KCTD1: variants seen among roughly 807,000 people sequenced by gnomAD.
KCTD1 encodes the protein BTB/POZ domain-containing protein KCTD1.
A neutral mutation model predicts 66.0 loss-of-function variants in KCTD1; 24 were observed. That is an observed-to-expected ratio of 0.36 (90% CI 0.26 to 0.51). The LOEUF is 0.51. Ranked by LOEUF, KCTD1 falls within the 20% of genes least tolerant of loss-of-function variation. The probability of loss-of-function intolerance (pLI) is 0.95; values close to 1 mark genes in which losing one functional copy is unlikely to be tolerated. For synonymous variants in KCTD1, 511 were observed against 517.2 expected, an observed-to-expected ratio of 0.99 and a Z score of 0.16; for missense variants, 943 against 1,205.2, an observed-to-expected ratio of 0.78 and a Z score of 3.22.
Position 26,476,627 on chromosome 18 carries a change from A to G in KCTD1, c.2021T>C (p.Ile674Thr). 6.2e-7 allele frequency: 1 copy of G among 1,613,678 alleles called. No homozygotes were observed. Among genetic ancestry groups the G allele is most frequent in the Non-Finnish European group, 8.5e-7 (1 of 1,179,792 alleles). Residue 674 changes from isoleucine (I) to threonine (T), a missense_variant, in exon 3 of 5, where the codon ATT becomes ACT. Physicochemically the swap from Ile to Thr is moderately conservative, Grantham distance 89. Transcript: ENST00000580059. The surrounding 1 kb of genome is among the most constrained non-coding windows in gnomAD (Gnocchi z 4.9). ...GTGCTGTTTGAGACTGTCCAAAACA[A>G]TGGGCTCTGTACCATCAAAAAGTCT... ...IGRLFDGTEP[I>T]VLDSLKQHYF...
In KCTD1 at chr18:26,637,995, T is replaced by A. The variant is rs148535741; in HGVS notation, c.-107+2316A>T. On this transcript the variant is annotated intron_variant, in intron 1 of 5. Coordinates refer to the KCTD1 transcript ENST00000579973. ...GTCTGATTTTGTAGGCTGGCTCTCC[T>A]GGGTGTCACATCAAAGACTTAAGGA... 5.6e-3 allele frequency among the ~76,000 whole-genome samples: 846 copies of A among 152,344 alleles called. 5 individuals are homozygous for A. Among genetic ancestry groups the A allele is most frequent in the South Asian group, 8.9e-3 (43 of 4,830 alleles).
Position 26,638,314 on chromosome 18 carries a change from T to A in KCTD1, c.-107+1997A>T, listed in dbSNP as rs74716194. On this transcript the variant is annotated intron_variant, in intron 1 of 5. Coordinates refer to the KCTD1 transcript ENST00000579973. ...TTCTTTTCCTCCTTTAATATTTTAT[T>A]TATCTCCCACCAAAATTTTTCCAGT... 0.012 allele frequency among the ~76,000 whole-genome samples: 1,899 copies of A among 152,290 alleles called. 101 individuals are homozygous for A. In the East Asian group the frequency reaches 0.13, roughly 11 times the overall value.
intron 1 of KCTD1, among the ~76,000 whole-genome samples, chr18:26,597,693 A>T (rs1986799580): frequency 7.4e-6 from 1 of 135,444 alleles, no homozygotes. Context: ...TTGCTCTGTC[A>T]CCTAGGCTGG....
At chr18:26,474,165 A>AT (rs1981220498) in intron 3 of KCTD1, among the ~76,000 whole-genome samples, 1 of 152,136 alleles carries the variant, frequency 6.6e-6, no homozygotes, top group Admixed American at 6.5e-5. Flanking sequence ...GAATTACATG[A>AT]TTTTCCCCCC....
rs56266790 is a variant in KCTD1, at chr18:26,492,605, CAATAAATAAATAAATAAATA to C, written c.1988+8447_1988+8466del. Among the ~76,000 whole-genome samples the C allele has an allele frequency of 5.3e-4, 74 of 138,606 alleles. No homozygotes were observed. The East Asian group carries it at 6.6e-3, about 12-fold the overall frequency. 90.9% of individuals were successfully genotyped at this position (138,606 alleles called of 152,430 possible). ...TGAGTGACAGAACAAGACACTGTCTCAATAAATAAATAAATAAATAAATAAATAAATAAATAAATAAATAA... is the reference window on the plus strand; with the variant it reads ...TGAGTGACAGAACAAGACACTGTCTCAATAAATAAATAAATAAATAAATAA... On this transcript the variant is annotated intron_variant, in intron 2 of 4. Transcript: ENST00000580059.
intron 1 of KCTD1, among the ~76,000 whole-genome samples, chr18:26,537,260 A>G (rs538464606): frequency 2.0e-4 from 30 of 152,360 alleles, no homozygotes; most frequent in African/African-American, 6.0e-4. Context: ...ATGTAAGAAA[A>G]TATCCAAAAT....
chr18:26,484,940 C>A (rs1481489247), intron 2 of KCTD1, among the ~76,000 whole-genome samples: 1 of 152,134 alleles, frequency 6.6e-6, no homozygotes, highest in Non-Finnish European at 1.5e-5. Context: ...ACAGACACAG[C>A]CAGTGAGGAG....
chr18:26,497,457 T>G (rs1036192371), intron 2 of KCTD1, among the ~76,000 whole-genome samples: 5 of 152,152 alleles, frequency 3.3e-5, no homozygotes, highest in African/African-American at 1.2e-4. Context: ...TGTCCTTGGA[T>G]TTATCCAAGA....
At chr18:26,580,760 T>C (rs1489657703) in intron 1 of KCTD1, among the ~76,000 whole-genome samples, 1 of 152,214 alleles carries the variant, frequency 6.6e-6, no homozygotes, top group Non-Finnish European at 1.5e-5. Context: ...TATTATATTT[T>C]ACATTTTTTA....
intron 1 of KCTD1, among the ~76,000 whole-genome samples, chr18:26,532,254 TTTCC>T (rs199638984): frequency 0.065 from 7,299 of 112,904 alleles, 393 homozygotes; most frequent in Middle Eastern, 0.13. Context: ...TTTTCTTTTC[TTTCC>T]TTCTTTTTTT....
At chr18:26,619,375 A>C (rs1366112528) in intron 1 of KCTD1, among the ~76,000 whole-genome samples, 1 of 152,256 alleles carries the variant, frequency 6.6e-6, no homozygotes, top group African/African-American at 2.4e-5. Flanking sequence ...AGTAAAAAGA[A>C]GAAAAGGAAA....
At chr18:26,634,004 C>T (rs1052978102), upstream of KCTD1, among the ~76,000 whole-genome samples, 4 of 152,122 alleles carry the variant, frequency 2.6e-5, no homozygotes, top group African/African-American at 9.7e-5. Context: ...AAGAACTACG[C>T]TACACTCAAC....
In KCTD1 at chr18:26,546,818, G is replaced by A. The variant is rs1567988408; in HGVS notation, c.1719C>T (p.His573=). 2 of 1,538,156 alleles carry A rather than the reference G, an allele frequency of 1.3e-6. No homozygotes were observed. The highest frequency in any genetic ancestry group is 1.8e-6 in the Non-Finnish European group (2 of 1,141,832). The change falls in exon 1 of 5, where the codon CAC becomes CAT. Residue 573 remains histidine (H), a synonymous_variant. Transcript: ENST00000580059. The part of the protein sequence containing the change: ...VDAVVVVSVK[H]DPLPLLPEAN... The stretch of plus-strand genomic sequence containing the variant: ...CTTCTGGAAGAAGAGGCAGGGGGTC[G>A]TGTTTCACGGAAACCACCACCACCG...
intron 1 of KCTD1, among the ~76,000 whole-genome samples, chr18:26,620,051 G>T (rs1300219541): frequency 6.6e-6 from 1 of 152,056 alleles, no homozygotes; most frequent in Non-Finnish European, 1.5e-5. Context: ...ATTTGCTTGG[G>T]TCTCTCCTCA....
At chr18:26,493,525 A>T (rs1318638726) in intron 2 of KCTD1, among the ~76,000 whole-genome samples, 2 of 152,032 alleles carry the variant, frequency 1.3e-5, no homozygotes, top group African/African-American at 4.8e-5. Context: ...GAACACCTAG[A>T]TCTCACGCTT....
At chr18:26,548,715 A>T, upstream of KCTD1, 6 of 498,998 alleles carry the variant, frequency 1.2e-5, no homozygotes, top group Admixed American at 9.0e-5. Flanking sequence ...CGCGCAGGGG[A>T]TGGAGGGGAG....
chr18:26,644,422 A>C (rs1370376139), upstream of KCTD1, among the ~76,000 whole-genome samples: 2 of 152,074 alleles, frequency 1.3e-5, no homozygotes, highest in Non-Finnish European at 2.9e-5. Flanking sequence ...AGGCTGACTA[A>C]GGAGGGAGAG....
rs957137709 is a variant in KCTD1 at position 26,590,136 on chromosome 18, T to G, written c.-16+39011A>C. Reference sequence around the variant, plus strand: ...TCTTACTGTGTCGCCCAGGCTGGAGTGCAGTGGCATGATCTCAGCTCACTG... The same window carrying G: ...TCTTACTGTGTCGCCCAGGCTGGAGGGCAGTGGCATGATCTCAGCTCACTG... On this transcript the variant is annotated intron_variant, in intron 1 of 4. Transcript: ENST00000317932. Among the ~76,000 whole-genome samples, 4 of 152,120 alleles carry G rather than the reference T, an allele frequency of 2.6e-5. No homozygotes were observed. In the South Asian group the frequency reaches 8.3e-4, roughly 32 times the overall value.
At chr18:26,491,841 C>G (rs1982217252) in intron 2 of KCTD1, among the ~76,000 whole-genome samples, 1 of 152,174 alleles carries the variant, frequency 6.6e-6, no homozygotes, top group Non-Finnish European at 1.5e-5. Context: ...CTAAAAACCA[C>G]TCTTAGAACA....
Sources: allele counts gnomAD v4.1 joint callset (sites outside exome capture counted in the v4.1 genomes callset), GRCh38; gene constraint gnomAD v4.1.1; non-coding constraint Gnocchi (gnomAD v3.1); transcripts MANE v1.5; gene names NCBI Gene and HGNC (gene_info 2026-07-23, HGNC 2026-07-21).